MGAT4C: variants seen among roughly 807,000 people sequenced by gnomAD.
MGAT4C encodes the protein alpha-1,3-mannosyl-glycoprotein 4-beta-N-acetylglucosaminyltransferase C.
In MGAT4C, 19 loss-of-function variants were observed where a neutral mutation model predicts 40.1. That is an observed-to-expected ratio of 0.47 (90% confidence interval 0.33 to 0.70). MGAT4C has a LOEUF of 0.70. Among genes scored for constraint, MGAT4C ranks in the 30% least tolerant of loss-of-function variants. MGAT4C has a pLI of 0.02. For missense variants in MGAT4C, 491 were observed against 563.2 expected (o/e 0.87, Z 1.30); for synonymous variants, 181 against 187.1 (o/e 0.97, Z 0.27).
At chr12:86,423,268 C>G (rs1377575982) in intron 3 of MGAT4C, among the ~76,000 whole-genome samples, 3 of 151,652 alleles carry the variant, frequency 2.0e-5, no homozygotes, top group Non-Finnish European at 2.9e-5. Flanking sequence ...TTAAATAAAA[C>G]ACTATTAAAT....
At chr12:86,376,343 A>T (rs1955821523) in intron 3 of MGAT4C, among the ~76,000 whole-genome samples, 1 of 151,944 alleles carries the variant, frequency 6.6e-6, no homozygotes, top group African/African-American at 2.4e-5. Flanking sequence ...CAACCACCGC[A>T]CTCCAGCCTG....
chr12:86,649,025 G>T (rs1006046561), intron 2 of MGAT4C, among the ~76,000 whole-genome samples: 1 of 151,636 alleles, frequency 6.6e-6, no homozygotes, highest in Non-Finnish European at 1.5e-5. Context: ...CATATAGTAA[G>T]CCCTGCTATA....
At chr12:86,498,923 C>CA (rs768150052) in intron 2 of MGAT4C, among the ~76,000 whole-genome samples, 3 of 151,372 alleles carry the variant, frequency 2.0e-5, no homozygotes, top group African/African-American at 4.8e-5. Flanking sequence ...CAAGACATTA[C>CA]AAAAAAAAGG....
At chr12:86,143,224 C>T (rs1040605937) in intron 1 of MGAT4C, among the ~76,000 whole-genome samples, 6 of 152,288 alleles carry the variant, frequency 3.9e-5, no homozygotes, top group Non-Finnish European at 8.8e-5. Context: ...CAAATTTCTA[C>T]ATAGTGAAGC....
At chr12:86,742,983 A>ATG (rs780309077) in intron 1 of MGAT4C, among the ~76,000 whole-genome samples, 1 of 149,406 alleles carries the variant, frequency 6.7e-6, no homozygotes. Flanking sequence ...TTATGTATAT[A>ATG]TGTGTGTGTG....
At chr12:86,242,178 C>G (rs1951818637) in intron 1 of MGAT4C, among the ~76,000 whole-genome samples, 1 of 152,120 alleles carries the variant, frequency 6.6e-6, no homozygotes, top group South Asian at 2.1e-4. Context: ...TCAAGTAGAA[C>G]AAGTTCCCTT....
intron 2 of MGAT4C, among the ~76,000 whole-genome samples, chr12:86,590,524 G>A (rs1036696319): frequency 2.0e-5 from 3 of 151,838 alleles, no homozygotes; most frequent in Non-Finnish European, 4.4e-5. Flanking sequence ...TAATTCCAAA[G>A]CTCTTTCAAA....
intron 3 of MGAT4C, among the ~76,000 whole-genome samples, chr12:86,433,093 G>GAC (rs1367779930): frequency 6.6e-5 from 10 of 151,962 alleles, no homozygotes; most frequent in Non-Finnish European, 1.0e-4. Flanking sequence ...GCAAAGGCAT[G>GAC]AAAGTAGAAA....
At chr12:86,074,804 T>C (rs1189556432) in intron 1 of MGAT4C, among the ~76,000 whole-genome samples, 1 of 138,984 alleles carries the variant, frequency 7.2e-6, no homozygotes, top group African/African-American at 3.1e-5. Flanking sequence ...TTTTCCCTTA[T>C]AAAAGCATCA....
chr12:86,204,800 T>G (rs1441850398), intron 1 of MGAT4C, among the ~76,000 whole-genome samples: 1 of 152,082 alleles, frequency 6.6e-6, no homozygotes, highest in Non-Finnish European at 1.5e-5. Flanking sequence ...ATATGTAAAG[T>G]GTCAACAAAA....
chr12:86,128,979 G>C (rs186621432), intron 1 of MGAT4C, among the ~76,000 whole-genome samples: 3 of 152,194 alleles, frequency 2.0e-5, no homozygotes, highest in African/African-American at 4.8e-5. Context: ...TCAGTCGGCT[G>C]TAAGTATTTG....
At chr12:86,187,557 T>A (rs1888900353) in intron 1 of MGAT4C, among the ~76,000 whole-genome samples, 1 of 147,956 alleles carries the variant, frequency 6.8e-6, no homozygotes, top group Non-Finnish European at 1.5e-5. Flanking sequence ...TGTCACATAA[T>A]AATAAATCTT....
At position 86,380,593 on chromosome 12, in the gene MGAT4C, A is replaced by G. The variant is rs146804329; in HGVS notation, c.-119-46466T>C. ...ATGCCTAAAAGAATGAATACGTGAAAAATCATGATTAGATCAAAATTCAAC... is the reference window on the plus strand; with the variant it reads ...ATGCCTAAAAGAATGAATACGTGAAGAATCATGATTAGATCAAAATTCAAC... On this transcript the variant is annotated intron_variant, in intron 3 of 7. Coordinates refer to the MGAT4C transcript ENST00000548651. Among the ~76,000 whole-genome samples, 831 of 152,308 alleles carry G rather than the reference A, an allele frequency of 5.5e-3. 8 individuals carry two copies. Among genetic ancestry groups the G allele is most frequent in the Non-Finnish European group, 9.0e-3 (612 of 68,012 alleles).
chr12:86,007,041 T>A (rs1318208503), intron 2 of MGAT4C, among the ~76,000 whole-genome samples: 2 of 152,178 alleles, frequency 1.3e-5, no homozygotes, highest in Non-Finnish European at 2.9e-5. Flanking sequence ...TTGTGAATCA[T>A]ATAATTCCTC....
intron 1 of MGAT4C, among the ~76,000 whole-genome samples, chr12:86,113,161 T>C (rs372725690): frequency 6.6e-6 from 1 of 151,830 alleles, no homozygotes; most frequent in Non-Finnish European, 1.5e-5. Context: ...GTTCAGGTCA[T>C]ACTAAGCAAA....
chr12:86,293,702 C>T (rs78493812), intron 4 of MGAT4C, among the ~76,000 whole-genome samples: 2 of 152,084 alleles, frequency 1.3e-5, no homozygotes, highest in East Asian at 3.9e-4. Flanking sequence ...GAATTGTAAT[C>T]CCCACGTGTC....
Position 85,970,346 on chromosome 12 carries a change from C to A in MGAT4C, c.*8943G>T, listed in dbSNP as rs1168771973. On this transcript the variant is annotated 3_prime_UTR_variant, in exon 5 of 5. Transcript: ENST00000611864. The stretch of plus-strand genomic sequence containing the variant: ...ATGAATCAAATGGTAAATTTTGAAT[C>A]ATCTGGTAAAAATGGACAAAATTTA... 6.6e-6 allele frequency: 1 copy of A among 151,056 alleles called. No individual in the cohort carries two copies. The highest frequency in any genetic ancestry group is 2.4e-5 in the African/African-American group (1 of 41,284). 9.4% of individuals were successfully genotyped at this position (151,056 alleles called of 1,614,324 possible).
intron 2 of MGAT4C, among the ~76,000 whole-genome samples, chr12:86,683,511 C>T (rs918985255): frequency 2.0e-5 from 3 of 151,970 alleles, no homozygotes; most frequent in African/African-American, 7.3e-5. Context: ...TTGACAAATA[C>T]TTGTTCAATC....
chr12:86,093,000 C>T (rs1233413974), intron 1 of MGAT4C, among the ~76,000 whole-genome samples: 1 of 152,068 alleles, frequency 6.6e-6, no homozygotes, highest in East Asian at 1.9e-4. Context: ...TGCTATCCTT[C>T]CCCTAGCTCC....
Sources: allele counts gnomAD v4.1 joint callset (sites outside exome capture counted in the v4.1 genomes callset), GRCh38; gene constraint gnomAD v4.1.1; transcripts MANE v1.5; gene names NCBI Gene and HGNC (gene_info 2026-07-23, HGNC 2026-07-21).